The following GPR158 variants were observed in gnomAD, a reference collection of about 807,000 sequenced individuals.
The protein encoded by GPR158 is G protein-coupled receptor 158.
In GPR158, 30 loss-of-function variants were observed where a neutral mutation model predicts 78.2. The observed-to-expected ratio is 0.38, with a 90% CI of 0.29 to 0.52. The LOEUF (loss-of-function observed/expected upper bound fraction) is 0.52, where lower values mean the gene tolerates loss of function less well. GPR158 is among the 20% of genes least tolerant of loss of function. The pLI, the probability that GPR158 is intolerant of heterozygous loss-of-function variation, is 0.83. For missense variants in GPR158, 1,463 were observed against 1,523.5 expected (o/e 0.96, Z 0.66); for synonymous variants, 581 against 591.1 (o/e 0.98, Z 0.25).
intron 7 of GPR158, among the ~76,000 whole-genome samples, chr10:25,574,342 G>A (rs1837058884): frequency 6.6e-6 from 1 of 151,864 alleles, no homozygotes; most frequent in East Asian, 1.9e-4. Flanking sequence ...TTATATAATC[G>A]ATAGTAACCT....
At chr10:25,219,644 G>A (rs182295151) in intron 1 of GPR158, among the ~76,000 whole-genome samples, 2 of 152,148 alleles carry the variant, frequency 1.3e-5, no homozygotes, top group African/African-American at 4.8e-5. Flanking sequence ...GAGCATGTAG[G>A]CACTAGGTAA....
intron 1 of GPR158, among the ~76,000 whole-genome samples, chr10:25,200,583 A>G (rs1852908818): frequency 6.6e-6 from 1 of 152,088 alleles, no homozygotes; most frequent in African/African-American, 2.4e-5. Flanking sequence ...ATCCTTGCCT[A>G]TATCCAGAAT....
At chr10:25,585,171 G>A (rs1247711818) in intron 7 of GPR158, among the ~76,000 whole-genome samples, 1 of 152,182 alleles carries the variant, frequency 6.6e-6, no homozygotes, top group Admixed American at 6.5e-5. Flanking sequence ...AGAAACTAAA[G>A]GCTAATGGCT....
At chr10:25,572,276 A>G (rs1837019132) in intron 6 of GPR158, among the ~76,000 whole-genome samples, 1 of 152,196 alleles carries the variant, frequency 6.6e-6, no homozygotes, top group African/African-American at 2.4e-5. Flanking sequence ...TGGAAGATAA[A>G]CTAAGATAAA....
intron 5 of GPR158, among the ~76,000 whole-genome samples, chr10:25,467,427 TG>T (rs1564463368): frequency 6.6e-6 from 1 of 152,134 alleles, no homozygotes; most frequent in Non-Finnish European, 1.5e-5. Flanking sequence ...CTCTTACAGA[TG>T]AAAATTTGCC....
intron 2 of GPR158, among the ~76,000 whole-genome samples, chr10:25,370,108 C>A (rs1305205133): frequency 7.3e-6 from 1 of 136,512 alleles, no homozygotes; most frequent in Non-Finnish European, 1.6e-5. Flanking sequence ...TTGATCTTTT[C>A]AAAAAACCAG....
intron 3 of GPR158, 93 bp from the exon 4 acceptor site, chr10:25,412,157 G>A: frequency 3.6e-6 from 3 of 832,612 alleles, no homozygotes; most frequent in East Asian, 4.9e-5. Context: ...GTGAGAAAAG[G>A]AATGAGGAGT....
At chr10:25,371,183 T>C (rs2130549356) in intron 2 of GPR158, among the ~76,000 whole-genome samples, 1 of 150,282 alleles carries the variant, frequency 6.7e-6, no homozygotes, top group East Asian at 2.0e-4. Context: ...AAGTTAATAT[T>C]GTTATGTGTG....
chr10:25,240,168 G>T (rs1021415225), intron 2 of GPR158, among the ~76,000 whole-genome samples: 1 of 151,884 alleles, frequency 6.6e-6, no homozygotes, highest in Non-Finnish European at 1.5e-5. Context: ...CTGTTCAAAT[G>T]AATTTGGCAC....
intron 8 of GPR158, among the ~76,000 whole-genome samples, chr10:25,592,242 C>T (rs1158249886): frequency 6.6e-6 from 1 of 151,658 alleles, no homozygotes; most frequent in African/African-American, 2.4e-5. Context: ...ACAGATTTAC[C>T]TTTATTCATA....
intron 4 of GPR158, among the ~76,000 whole-genome samples, chr10:25,443,233 G>GT (rs1259113736): frequency 1.3e-5 from 2 of 152,020 alleles, no homozygotes; most frequent in African/African-American, 4.8e-5. Context: ...CTATAGGCAG[G>GT]TACTGCCATG....
chr10:25,488,028 C>T (rs948393309), intron 5 of GPR158, among the ~76,000 whole-genome samples: 1 of 152,188 alleles, frequency 6.6e-6, no homozygotes, highest in East Asian at 1.9e-4. Context: ...GGATTGGCTG[C>T]GAGTACCAAG....
intron 2 of GPR158, among the ~76,000 whole-genome samples, chr10:25,338,200 G>T (rs903487422): frequency 4.6e-5 from 7 of 150,866 alleles, no homozygotes; most frequent in African/African-American, 1.7e-4. Flanking sequence ...CCTACCCTAA[G>T]ATTATAAATA....
At chr10:25,590,111 A>G (rs1040893380) in intron 8 of GPR158, among the ~76,000 whole-genome samples, 2 of 152,102 alleles carry the variant, frequency 1.3e-5, no homozygotes, top group African/African-American at 2.4e-5. Context: ...GTCTGGGGGA[A>G]TTTTGTAGGA....
At chr10:25,462,349 A>G (rs941932689) in intron 4 of GPR158, among the ~76,000 whole-genome samples, 2 of 152,190 alleles carry the variant, frequency 1.3e-5, no homozygotes, top group East Asian at 3.9e-4. Flanking sequence ...CTCATTGACA[A>G]TGCACATAGT....
intron 4 of GPR158, among the ~76,000 whole-genome samples, chr10:25,462,952 A>T (rs556727049): frequency 2.0e-5 from 3 of 152,220 alleles, no homozygotes; most frequent in Non-Finnish European, 2.9e-5. Context: ...ATTTTGAAAG[A>T]ACTTCAACTG....
rs140910152 is a variant in GPR158, at chr10:25,221,688, C to T, written c.1008+531C>T. Among the ~76,000 whole-genome samples, 12 of 152,184 alleles carry T rather than the reference C, an allele frequency of 7.9e-5. No homozygotes were observed. In the South Asian group the frequency reaches 8.3e-4, roughly 11 times the overall value. Reference sequence around the variant, plus strand: ...TAGTCCCTATTCATGCTTGATTTGACGATACTCTGGTTAATAGGAAACAGG... The same window carrying T: ...TAGTCCCTATTCATGCTTGATTTGATGATACTCTGGTTAATAGGAAACAGG... On this transcript the variant is annotated intron_variant, in intron 2 of 10. Transcript: ENST00000376351.
At chr10:25,426,802 C>T (rs997178512) in intron 4 of GPR158, among the ~76,000 whole-genome samples, 11 of 74,094 alleles carry the variant, frequency 1.5e-4, no homozygotes, top group African/African-American at 4.0e-4. Context: ...GTTGGAAGAA[C>T]GTCAGTGAGA....
At chr10:25,238,781 A>AAT (rs1234544187) in intron 2 of GPR158, among the ~76,000 whole-genome samples, 4 of 152,250 alleles carry the variant, frequency 2.6e-5, no homozygotes, top group Non-Finnish European at 4.4e-5. Context: ...TAAGTCTTGT[A>AAT]ATATACCTGC....
Sources: allele counts gnomAD v4.1 joint callset (sites outside exome capture counted in the v4.1 genomes callset), GRCh38; gene constraint gnomAD v4.1.1; transcripts MANE v1.5; gene names NCBI Gene and HGNC (gene_info 2026-07-23, HGNC 2026-07-21).